Variants in RAB4B observed in about 807,000 individuals in gnomAD.
The protein encoded by RAB4B is RAB4B, member RAS oncogene family, also known as ras-related protein Rab-4B.
RAB4B carries 15 observed loss-of-function variants against 28.3 expected under a neutral mutation model. The observed-to-expected ratio is 0.53, with a 90% CI of 0.35 to 0.82. The LOEUF (loss-of-function observed/expected upper bound fraction) is 0.82. RAB4B is among the 40% of genes least tolerant of loss of function. RAB4B has a pLI of 0.01. For synonymous variants in RAB4B, 108 were observed against 116.3 expected, an observed-to-expected ratio of 0.93 and a Z score of 0.46; for missense variants, 244 against 288.5, an observed-to-expected ratio of 0.85 and a Z score of 1.12.
chr19:40,788,157 C>T (rs1032714240), intron 7 of RAB4B, among the ~76,000 whole-genome samples: 4 of 151,912 alleles, frequency 2.6e-5, no homozygotes, highest in African/African-American at 4.8e-5. Context: ...AGACTCCCAT[C>T]CTCATGGTGC....
intron 5 of RAB4B, chr19:40,785,443 C>T (rs984578031): frequency 6.0e-5 from 9 of 150,928 alleles, no homozygotes; most frequent in East Asian, 1.9e-4. Flanking sequence ...CCCAGAAGTT[C>T]GAGGCTGCAG....
At chr19:40,796,248 G>T (rs1453010931) in intron 7 of RAB4B, 17 of 152,294 alleles carry the variant, frequency 1.1e-4, no homozygotes, top group Admixed American at 7.9e-4. Flanking sequence ...CATTCCTCCT[G>T]CCTTGGCTTC....
intron 5 of RAB4B, 60 bp downstream of exon 5, chr19:40,784,135 G>A: frequency 6.6e-7 from 1 of 1,514,970 alleles, no homozygotes; most frequent in Non-Finnish European, 8.9e-7. Context: ...GGGACCATGG[G>A]TTTACTGGCT....
intron 5 of RAB4B, chr19:40,786,246 A>G (rs2083097780): frequency 7.0e-6 from 2 of 287,154 alleles, no homozygotes; most frequent in Non-Finnish European, 6.8e-6. Context: ...GGAATGGGGC[A>G]GGTCCAGGCA....
chr19:40,788,481 T>TAA (rs751428239), intron 7 of RAB4B, among the ~76,000 whole-genome samples: 3 of 67,096 alleles, frequency 4.5e-5, no homozygotes, highest in East Asian at 4.0e-4. Context: ...GCGAGACTCT[T>TAA]AAAAAAAAAA....
chr19:40,783,362 A>G (rs186348421), intron 3 of RAB4B, among the ~76,000 whole-genome samples: 2 of 151,756 alleles, frequency 1.3e-5, no homozygotes, highest in East Asian at 3.9e-4. Flanking sequence ...CCGTTGGGAT[A>G]CTGAGCCTAG....
chr19:40,792,481 C>CA (rs1399041832), intron 7 of RAB4B: 1 of 152,240 alleles, frequency 6.6e-6, no homozygotes, highest in African/African-American at 2.4e-5. Flanking sequence ...AGTTTGCCCT[C>CA]AGTAGGTGAA....
intron 7 of RAB4B, among the ~76,000 whole-genome samples, chr19:40,793,961 A>C (rs149755483): frequency 0.018 from 2,735 of 151,782 alleles, 37 homozygotes; most frequent in Non-Finnish European, 0.026. Flanking sequence ...AAACCAAAAC[A>C]AAACAAAAAA....
intron 7 of RAB4B, among the ~76,000 whole-genome samples, chr19:40,788,519 G>T (rs2083124565): frequency 1.3e-5 from 2 of 148,272 alleles, no homozygotes; most frequent in Admixed American, 1.4e-4. Context: ...GTATGTAGTA[G>T]TGAGGGAGGT....
chr19:40,783,775 C>T lies in RAB4B; in HGVS notation c.213-3C>T. Reference sequence around the variant, plus strand: ...GGGTGACTGGGTCCCCCTGGCCCCACAGGTCAGTGACGCGGAGTTATTACC... The same window carrying T: ...GGGTGACTGGGTCCCCCTGGCCCCATAGGTCAGTGACGCGGAGTTATTACC... On this transcript the variant is annotated splice_polypyrimidine_tract_variant and splice_region_variant and intron_variant, in intron 3 of 7. Coordinates refer to ENST00000357052, the MANE Select transcript of RAB4B (RefSeq NM_016154.5). 1 of 1,556,876 alleles carries T rather than the reference C, an allele frequency of 6.4e-7. No individual in the cohort carries two copies. Among genetic ancestry groups the T allele is most frequent in the African/African-American group, 1.4e-5 (1 of 73,176 alleles).
chr19:40,794,057 T>C (rs941863524), intron 7 of RAB4B, among the ~76,000 whole-genome samples: 36 of 150,656 alleles, frequency 2.4e-4, no homozygotes, highest in African/African-American at 8.3e-4. Flanking sequence ...CCAACCAATA[T>C]AATATATCTT....
chr19:40,788,164 G>C (rs1266206017), intron 7 of RAB4B, among the ~76,000 whole-genome samples: 1 of 151,852 alleles, frequency 6.6e-6, no homozygotes, highest in Non-Finnish European at 1.5e-5. Flanking sequence ...CATCCTCATG[G>C]TGCTGACATT....
intron 7 of RAB4B, among the ~76,000 whole-genome samples, chr19:40,794,358 A>G (rs2083188480): frequency 6.6e-6 from 1 of 152,030 alleles, no homozygotes; most frequent in African/African-American, 2.4e-5. Flanking sequence ...TATAGGCATG[A>G]GCCACTGCGC....
intron 7 of RAB4B, 49 bp downstream of exon 7, chr19:40,787,027 G>A (rs1411681662): frequency 6.8e-7 from 1 of 1,468,162 alleles, no homozygotes; most frequent in Admixed American, 1.8e-5. Flanking sequence ...TTGGGCATGG[G>A]GGAGATGGTG....
intron 7 of RAB4B, among the ~76,000 whole-genome samples, chr19:40,791,397 A>G (rs2545757): frequency 0.78 from 118,917 of 151,576 alleles, 47,068 homozygotes; most frequent in African/African-American, 0.88. Flanking sequence ...CCAGGACACA[A>G]ATGAACTCCT....
chr19:40,793,581 T>G (rs112987145), intron 7 of RAB4B, among the ~76,000 whole-genome samples: 1,725 of 121,714 alleles, frequency 0.014, 34 homozygotes, highest in African/African-American at 0.041. Context: ...TGTTTTTTTT[T>G]TTTTTTTTTT....
intron 5 of RAB4B, 57 bp from the exon 6 acceptor site, chr19:40,786,608 C>G (rs2083101531): frequency 3.1e-6 from 5 of 1,605,740 alleles, no homozygotes; most frequent in Middle Eastern, 3.3e-4. Flanking sequence ...CAGGTGAGAG[C>G]TCAGTGGAGG....
At chr19:40,782,060 CAGAG>C (rs2083054441) in intron 3 of RAB4B, among the ~76,000 whole-genome samples, 1 of 143,948 alleles carries the variant, frequency 6.9e-6, no homozygotes, top group Non-Finnish European at 1.5e-5. Context: ...GTCGGAGAAA[CAGAG>C]AGCAGGGAGA....
At chr19:40,785,003 C>T (rs572622936) in intron 5 of RAB4B, among the ~76,000 whole-genome samples, 3 of 152,026 alleles carry the variant, frequency 2.0e-5, no homozygotes, top group East Asian at 3.9e-4. Flanking sequence ...TTAGTAGAGA[C>T]GGGGTTTCAC....
Sources: gnomAD v4.1 joint callset for allele counts (sites outside exome capture counted in the v4.1 genomes callset) on GRCh38, gnomAD v4.1.1 for gene constraint, MANE v1.5 for transcripts, NCBI Gene and HGNC (gene_info 2026-07-23, HGNC 2026-07-21) for gene names.